The following GCFC2 variants were observed in gnomAD, a reference collection of about 807,000 sequenced individuals.
GCFC2 encodes intron Large complex component GCFC2.
A neutral mutation model predicts 99.4 loss-of-function variants in GCFC2; 102 were observed. The ratio of observed to expected loss-of-function variants is 1.03; its 90% CI spans 0.87 to 1.21. GCFC2 has a LOEUF of 1.21. GCFC2 is among the 50% of genes most tolerant of loss of function. GCFC2 has a pLI of 0.00. For missense variants in GCFC2, 973 were observed against 920.9 expected (o/e 1.06, Z -0.73); for synonymous variants, 338 against 316.8 (o/e 1.07, Z -0.71).
intron 2 of GCFC2, among the ~76,000 whole-genome samples, chr2:75,703,137 C>G (rs1025553458): frequency 6.6e-6 from 1 of 152,008 alleles, no homozygotes; most frequent in Non-Finnish European, 1.5e-5. Flanking sequence ...TAAACTCTTC[C>G]AATTTAAAAC....
At chr2:75,674,615 AATG>A (rs1371513706) in intron 12 of GCFC2, among the ~76,000 whole-genome samples, 5 of 151,756 alleles carry the variant, frequency 3.3e-5, no homozygotes, top group South Asian at 2.1e-4. Context: ...TTATTTATAT[AATG>A]ATATTCTTAT....
chr2:75,677,155 T>C (rs1324781589), intron 12 of GCFC2, among the ~76,000 whole-genome samples: 4 of 152,240 alleles, frequency 2.6e-5, no homozygotes, highest in Non-Finnish European at 4.4e-5. Context: ...TGACAGATTA[T>C]AGTAATTACT....
intron 4 of GCFC2, among the ~76,000 whole-genome samples, chr2:75,700,217 A>C (rs1166331058): frequency 6.6e-6 from 1 of 152,048 alleles, no homozygotes; most frequent in African/African-American, 2.4e-5. Flanking sequence ...TTGTACCAAG[A>C]CCCCTATTGT....
chr2:75,701,753 A>G (rs1680601888), intron 3 of GCFC2: 1 of 524,628 alleles, frequency 1.9e-6, no homozygotes, highest in Non-Finnish European at 2.5e-6. Context: ...AAATGCATAT[A>G]TCATAAATGA....
At chr2:75,669,502 A>G (rs1038754603) in intron 15 of GCFC2, among the ~76,000 whole-genome samples, 1 of 152,154 alleles carries the variant, frequency 6.6e-6, no homozygotes, top group Non-Finnish European at 1.5e-5. Context: ...ATAGTCATTT[A>G]CCATCTTAGT....
At chr2:75,712,361 C>T (rs1681222934), upstream of GCFC2, among the ~76,000 whole-genome samples, 1 of 152,174 alleles carries the variant, frequency 6.6e-6, no homozygotes, top group South Asian at 2.1e-4. Flanking sequence ...TCTAGCTGCT[C>T]TGGTGAGGCC....
chr2:75,673,133 A>AC (rs1679188347), intron 13 of GCFC2, among the ~76,000 whole-genome samples: 1 of 151,856 alleles, frequency 6.6e-6, no homozygotes, highest in African/African-American at 2.4e-5. Flanking sequence ...ACATGGTGAA[A>AC]CCCCATCTCT....
At chr2:75,672,699 C>T (rs1679159442) in intron 13 of GCFC2, among the ~76,000 whole-genome samples, 1 of 152,124 alleles carries the variant, frequency 6.6e-6, no homozygotes. Flanking sequence ...CATTGTGCTT[C>T]CTCTGTGCTA....
chr2:75,712,967 T>G (rs977905938), upstream of GCFC2, among the ~76,000 whole-genome samples: 1 of 152,190 alleles, frequency 6.6e-6, no homozygotes, highest in Admixed American at 6.5e-5. Context: ...CTCCCAGATA[T>G]CCAGTCATTA....
At chr2:75,670,912 T>C (rs544621496) in intron 14 of GCFC2, 1 of 152,212 alleles carries the variant, frequency 6.6e-6, no homozygotes, top group Non-Finnish European at 1.5e-5. Flanking sequence ...TAATGCTTTT[T>C]CACATTTTAT....
intron 15 of GCFC2, among the ~76,000 whole-genome samples, chr2:75,667,508 A>C (rs1055952990): frequency 2.0e-5 from 3 of 152,202 alleles, no homozygotes; most frequent in Non-Finnish European, 4.4e-5. Flanking sequence ...CTACTCCTTA[A>C]TCACCTGTTT....
rs182642856 is a variant in GCFC2, at chr2:75,666,616, T to A, written c.2104-563A>T. 1.5e-3 allele frequency among the ~76,000 whole-genome samples: 235 copies of A among 151,896 alleles called. 2 individuals carry two copies. Among genetic ancestry groups the A allele is most frequent in the Non-Finnish European group, 2.7e-3 (185 of 67,964 alleles). ...GTGCATTCAATTTTTCTTTTGGAAA[T>A]GGAAATTACATTTTATCATTGTCAT... On this transcript the variant is annotated intron_variant, in intron 15 of 16. Transcript: ENST00000321027.
At chr2:75,691,282 G>A (rs1403910193) in intron 7 of GCFC2, among the ~76,000 whole-genome samples, 2 of 152,126 alleles carry the variant, frequency 1.3e-5, no homozygotes, top group Non-Finnish European at 2.9e-5. Context: ...CGAATGTTGG[G>A]TATCTCTCTC....
chr2:75,687,978 CT>C lies in GCFC2; in HGVS notation c.1540-2del. 6.5e-7 allele frequency: 1 copy of C among 1,540,658 alleles called. No individual in the cohort carries two copies. The highest frequency in any genetic ancestry group is 8.8e-7 in the Non-Finnish European group (1 of 1,141,374). ...TCTCTTTTAAACCTGTGGATTCCAA[CT>C]TACAAAGAAAATTACAAAAGTTATA... On this transcript the variant is annotated splice_acceptor_variant, in intron 10 of 16. Coordinates refer to ENST00000321027, the MANE Select transcript of GCFC2 (RefSeq NM_003203.5). LOFTEE classifies it high-confidence loss of function.
rs374198766 is a variant in GCFC2 at position 75,687,950 on chromosome 2, G to A, written c.1567C>T (p.Pro523Ser). 2 of 1,595,620 alleles carry A rather than the reference G, an allele frequency of 1.3e-6. No individual in the cohort carries two copies. The highest frequency in any genetic ancestry group is 2.7e-5 in the African/African-American group (2 of 73,800). Residue 523 changes from proline (P) to serine (S), a missense_variant, in exon 11 of 17, where the codon CCA becomes TCA. By Grantham distance (74) the Pro-to-Ser change is moderately conservative. Transcript: ENST00000321027. ...KLESTGLKEM[P>S]WFKSVEEFMD... The stretch of plus-strand genomic sequence containing the variant: ...AATTCTTCTACAGATTTGAACCATG[G>A]CATCTCTTTTAAACCTGTGGATTCC...
intron 1 of GCFC2, among the ~76,000 whole-genome samples, chr2:75,706,901 G>C (rs1019044589): frequency 4.6e-5 from 7 of 151,998 alleles, no homozygotes; most frequent in Admixed American, 1.3e-4. Context: ...AATGAGAAAA[G>C]GGAAGGAGGC....
chr2:75,673,185 C>A (rs1679194855), intron 13 of GCFC2, among the ~76,000 whole-genome samples: 1 of 152,114 alleles, frequency 6.6e-6, no homozygotes, highest in Non-Finnish European at 1.5e-5. Flanking sequence ...TGGCGGGCGC[C>A]TGTAGTCCCA....
At chr2:75,671,929 A>G (rs769833520) in intron 14 of GCFC2, 21 bp downstream of exon 14, 1 of 1,370,596 alleles carries the variant, frequency 7.3e-7, no homozygotes, top group Non-Finnish European at 1.0e-6. Flanking sequence ...TTGCCTTTTC[A>G]TTTTTGCAGT....
chr2:75,706,628 T>C lies in GCFC2; in HGVS notation c.289A>G (p.Thr97Ala), dbSNP rs1233325277. The C allele has an allele frequency of 2.5e-6, 4 of 1,593,950 alleles. No individual in the cohort carries two copies. The South Asian group carries it at 3.3e-5, about 13-fold the overall frequency. The change falls in exon 2 of 17, where the codon ACA becomes GCA. Residue 97 changes from threonine (T) to alanine (A), a missense_variant. By Grantham distance (58) the Thr-to-Ala change is moderately conservative. Coordinates refer to ENST00000321027, the MANE Select transcript of GCFC2 (RefSeq NM_003203.5). ...TGATGTATTTTATCCTCTTCATCTG[T>C]GGACACATCAAGGGTTCTGGATTCT... The part of the protein sequence containing the change: ...GSESRTLDVS[T>A]DEEDKIHHSS...
Sources: gnomAD v4.1 joint callset for allele counts (sites outside exome capture counted in the v4.1 genomes callset) on GRCh38, gnomAD v4.1.1 for gene constraint, MANE v1.5 for transcripts, NCBI Gene and HGNC (gene_info 2026-07-23, HGNC 2026-07-21) for gene names.